The following ERBB4 variants were observed in gnomAD, a reference collection of about 807,000 sequenced individuals.
ERBB4 encodes receptor tyrosine-protein kinase erbB-4.
A neutral mutation model predicts 158.0 loss-of-function variants in ERBB4; 42 were observed. That is an observed-to-expected ratio of 0.27 (90% confidence interval 0.21 to 0.34). ERBB4 has a LOEUF of 0.34. Ranked by LOEUF, ERBB4 falls within the 10% of genes least tolerant of loss-of-function variation. The pLI is 1.00. For missense variants in ERBB4, 1,333 were observed against 1,624.1 expected (o/e 0.82, Z 3.08); for synonymous variants, 583 against 558.7 (o/e 1.04, Z -0.61).
At chr2:212,080,797 A>G (rs2078420041) in intron 2 of ERBB4, among the ~76,000 whole-genome samples, 1 of 152,018 alleles carries the variant, frequency 6.6e-6, no homozygotes, top group Non-Finnish European at 1.5e-5. Context: ...TAGCCTTTCC[A>G]CTGATTCCTT....
At chr2:211,738,143 T>C (rs1389556370) in intron 5 of ERBB4, among the ~76,000 whole-genome samples, 1 of 152,112 alleles carries the variant, frequency 6.6e-6, no homozygotes, top group Non-Finnish European at 1.5e-5. Flanking sequence ...CTACCAAGAA[T>C]AACTGATACT....
intron 19 of ERBB4, among the ~76,000 whole-genome samples, chr2:211,607,355 A>G (rs1392179317): frequency 6.6e-6 from 1 of 152,204 alleles, no homozygotes; most frequent in Non-Finnish European, 1.5e-5. Flanking sequence ...TCCTCAGTTC[A>G]ATGAGCTCAG....
At chr2:211,481,780 A>C (rs1181950522) in intron 20 of ERBB4, among the ~76,000 whole-genome samples, 1 of 152,184 alleles carries the variant, frequency 6.6e-6, no homozygotes, top group Non-Finnish European at 1.5e-5. Flanking sequence ...GAAACTAGAT[A>C]TGATCAGTGA....
At chr2:211,869,285 C>T (rs929575866) in intron 3 of ERBB4, among the ~76,000 whole-genome samples, 5 of 152,188 alleles carry the variant, frequency 3.3e-5, no homozygotes, top group Admixed American at 2.0e-4. Flanking sequence ...ACAAGTATGG[C>T]TAATATGATT....
At chr2:211,843,407 G>C (rs554469883) in intron 3 of ERBB4, among the ~76,000 whole-genome samples, 1 of 125,338 alleles carries the variant, frequency 8.0e-6, no homozygotes. Flanking sequence ...GCACATGTGC[G>C]TGCGTGTGCA....
At chr2:211,789,319 G>A (rs1169191685) in intron 3 of ERBB4, among the ~76,000 whole-genome samples, 1 of 152,098 alleles carries the variant, frequency 6.6e-6, no homozygotes, top group Non-Finnish European at 1.5e-5. Context: ...GGAGGCAGTT[G>A]CAGATATTAG....
intron 3 of ERBB4, among the ~76,000 whole-genome samples, chr2:211,811,603 G>A (rs567597660): frequency 6.6e-6 from 1 of 152,300 alleles, no homozygotes; most frequent in South Asian, 2.1e-4. Flanking sequence ...ACATCCTGAA[G>A]AGTGTTTTCC....
At position 212,078,581 on chromosome 2, in the gene ERBB4, T is replaced by A. The variant is rs192900445; in HGVS notation, c.234+46171A>T. The stretch of plus-strand genomic sequence containing the variant: ...ATACACACAAACACATATACATATA[T>A]GTAATTAATTTTGTGGTGTTGTATT... On this transcript the variant is annotated intron_variant, in intron 2 of 27. Coordinates refer to ENST00000342788, the MANE Select transcript of ERBB4 (RefSeq NM_005235.3). Among the ~76,000 whole-genome samples the A allele has an allele frequency of 3.6e-3, 550 of 152,016 alleles. 3 individuals are homozygous for A. The highest frequency in any genetic ancestry group is 5.1e-3 in the Non-Finnish European group (343 of 67,872).
chr2:211,596,191 A>G (rs1259325405), intron 19 of ERBB4, among the ~76,000 whole-genome samples: 1 of 152,084 alleles, frequency 6.6e-6, no homozygotes, highest in Non-Finnish European at 1.5e-5. Context: ...AGAGGAAGGG[A>G]TGTTAATGCA....
intron 4 of ERBB4, among the ~76,000 whole-genome samples, chr2:211,773,712 A>T (rs73985854): frequency 0.14 from 20,222 of 140,950 alleles, 1,749 homozygotes; most frequent in South Asian, 0.33. Flanking sequence ...TATAGTGAAG[A>T]ATATATATAT....
chr2:212,426,261 A>C lies in ERBB4; in HGVS notation c.82+112188T>G, dbSNP rs760129017. The C allele has an allele frequency of 8.3e-6, 4 of 482,852 alleles. No individual in the cohort carries two copies. The East Asian group carries it at 2.8e-4, about 34-fold the overall frequency. 29.9% of individuals were successfully genotyped at this position (482,852 alleles called of 1,614,324 possible). A position where few individuals can be genotyped will look rare whatever the true frequency, so the allele number is the denominator to read the frequency against. On this transcript the variant is annotated intron_variant, in intron 1 of 27. Coordinates refer to ENST00000342788, the MANE Select transcript of ERBB4 (RefSeq NM_005235.3). ...TTTACGTGCATTTATTTCCAAATGC[A>C]CACTAAAATATTAGGTTGGTGCAAA...
At chr2:212,355,988 C>A (rs1280883025) in intron 1 of ERBB4, among the ~76,000 whole-genome samples, 1 of 151,930 alleles carries the variant, frequency 6.6e-6, no homozygotes, top group African/African-American at 2.4e-5. Context: ...AGGAAAAAAG[C>A]ACTAAACAAA....
In ERBB4 at chr2:211,623,041, ATAT is replaced by A. The variant is rs2069693023; in HGVS notation, c.2202+878_2202+880del. ...TATATATATATATATATATATATAT[ATAT>A]AAAATGCCAAAGTAACTTTTGGGAA... On this transcript the variant is annotated intron_variant, in intron 18 of 27. Coordinates refer to ENST00000342788, the MANE Select transcript of ERBB4 (RefSeq NM_005235.3). Among the ~76,000 whole-genome samples the A allele has an allele frequency of 4.7e-5, 5 of 105,290 alleles. No homozygotes were observed. In the South Asian group the frequency reaches 9.7e-4, roughly 20 times the overall value. 69.1% of individuals were successfully genotyped at this position (105,290 alleles called of 152,430 possible).
At chr2:211,473,765 G>A (rs2064887306) in intron 20 of ERBB4, among the ~76,000 whole-genome samples, 1 of 151,878 alleles carries the variant, frequency 6.6e-6, no homozygotes, top group South Asian at 2.1e-4. Flanking sequence ...ACATTTCAAT[G>A]GTAAATAAAA....
intron 3 of ERBB4, among the ~76,000 whole-genome samples, chr2:211,918,674 C>T (rs1191763469): frequency 6.6e-6 from 1 of 152,090 alleles, no homozygotes; most frequent in Non-Finnish European, 1.5e-5. Context: ...TAGATTTGGC[C>T]AATGCCATTT....
intron 3 of ERBB4, among the ~76,000 whole-genome samples, chr2:211,815,550 A>T (rs1189067699): frequency 6.6e-6 from 1 of 152,206 alleles, no homozygotes; most frequent in Non-Finnish European, 1.5e-5. Flanking sequence ...CCCCTCAAAT[A>T]TTCCACTTTT....
intron 3 of ERBB4, among the ~76,000 whole-genome samples, chr2:211,826,732 A>T (rs2077107638): frequency 6.6e-6 from 1 of 152,038 alleles, no homozygotes; most frequent in Admixed American, 6.6e-5. Flanking sequence ...CCACAAAAGG[A>T]TACACCAATA....
At position 211,378,400 on chromosome 2, in the gene ERBB4, A is replaced by G. The variant is rs776042471; in HGVS notation, c.*5215T>C. Reference sequence around the variant, plus strand: ...AAAGTGACAGATCCTACATTTTTGGACCTCTACAAAATCAGTGAGACTTGA... The same window carrying G: ...AAAGTGACAGATCCTACATTTTTGGGCCTCTACAAAATCAGTGAGACTTGA... On this transcript the variant is annotated 3_prime_UTR_variant, in exon 28 of 28. Coordinates refer to ENST00000342788, the MANE Select transcript of ERBB4 (RefSeq NM_005235.3). 1.6e-4 allele frequency: 38 copies of G among 232,630 alleles called. No individual in the cohort carries two copies. Among genetic ancestry groups the G allele is most frequent in the African/African-American group, 7.3e-4 (33 of 45,272 alleles). 14.4% of individuals were successfully genotyped at this position (232,630 alleles called of 1,614,324 possible).
intron 2 of ERBB4, among the ~76,000 whole-genome samples, chr2:212,107,421 G>C (rs2079264237): frequency 6.6e-6 from 1 of 152,152 alleles, no homozygotes; most frequent in Admixed American, 6.5e-5. Flanking sequence ...CATTTGAAAT[G>C]GGTGTATTTA....
Sources: allele counts gnomAD v4.1 joint callset (sites outside exome capture counted in the v4.1 genomes callset), GRCh38; gene constraint gnomAD v4.1.1; transcripts MANE v1.5; gene names NCBI Gene and HGNC (gene_info 2026-07-23, HGNC 2026-07-21).